Variants in LEMD3 observed in about 807,000 individuals in gnomAD.
LEMD3 encodes the protein LEM domain containing 3, also known as inner nuclear membrane protein Man1.
LEMD3 carries 33 observed loss-of-function variants against 95.2 expected under a neutral mutation model. The ratio of observed to expected loss-of-function variants is 0.35; its 90% CI spans 0.26 to 0.46. The LOEUF (loss-of-function observed/expected upper bound fraction) is 0.46. Among genes scored for constraint, LEMD3 ranks in the 20% least tolerant of loss-of-function variants. LEMD3 has a pLI of 1.00. For missense variants in LEMD3, 1,210 were observed against 1,192.8 expected (o/e 1.01, Z -0.21); for synonymous variants, 525 against 474.6 (o/e 1.11, Z -1.38).
intron 2 of LEMD3, among the ~76,000 whole-genome samples, chr12:65,215,732 T>C (rs2136339018): frequency 6.6e-6 from 1 of 152,154 alleles, no homozygotes. Flanking sequence ...ACCTTTTTTT[T>C]AGCACTAACC....
intron 4 of LEMD3, among the ~76,000 whole-genome samples, chr12:65,231,656 G>T (rs1020682747): frequency 6.6e-6 from 1 of 152,030 alleles, no homozygotes; most frequent in Non-Finnish European, 1.5e-5. Context: ...ATGACAGAGT[G>T]AGAGCCTGTC....
chr12:65,170,325 C>T lies in LEMD3; in HGVS notation c.729C>T (p.Thr243=). The T allele has an allele frequency of 6.2e-7, 1 of 1,601,876 alleles. No individual in the cohort carries two copies. Among genetic ancestry groups the T allele is most frequent in the Non-Finnish European group, 8.5e-7 (1 of 1,174,046 alleles). ...ETEEPLWASR[T]VNGSRLVPYS... ...AGGAGCCGCTCTGGGCGAGCCGGACCGTGAATGGCAGCCGGCTTGTCCCCT... is the reference window on the plus strand; with the variant it reads ...AGGAGCCGCTCTGGGCGAGCCGGACTGTGAATGGCAGCCGGCTTGTCCCCT... The change falls in exon 1 of 13, where the codon ACC becomes ACT. Residue 243 remains threonine, a synonymous_variant. Transcript: ENST00000308330.
chr12:65,227,033 TA>T (rs5798773), intron 4 of LEMD3, among the ~76,000 whole-genome samples: 44,000 of 151,922 alleles, frequency 0.29, 6,478 homozygotes, highest in Admixed American at 0.36. Context: ...ACTGGACAGT[TA>T]AAGGATCAGA....
chr12:65,215,825 A>C (rs948355605), intron 2 of LEMD3, 152 bp from the exon 3 acceptor site: 2 of 488,114 alleles, frequency 4.1e-6, no homozygotes, highest in African/African-American at 4.0e-5. Context: ...TTTCTTAAAA[A>C]TATGGTGCCC....
intron 4 of LEMD3, among the ~76,000 whole-genome samples, chr12:65,231,194 G>A (rs1261722693): frequency 6.6e-6 from 1 of 151,552 alleles, no homozygotes; most frequent in Non-Finnish European, 1.5e-5. Context: ...TTTCTTTTTG[G>A]AATCTCATTT....
chr12:65,186,290 T>G (rs1869060469), intron 1 of LEMD3, among the ~76,000 whole-genome samples: 1 of 152,098 alleles, frequency 6.6e-6, no homozygotes, highest in African/African-American at 2.4e-5. Flanking sequence ...TGATATAACT[T>G]GCGGAGCAAG....
At chr12:65,191,924 CAAAAAAAAAAAAAAA>C (rs35109917) in intron 1 of LEMD3, among the ~76,000 whole-genome samples, 10 of 74,298 alleles carry the variant, frequency 1.3e-4, no homozygotes, top group Non-Finnish European at 1.5e-4. Flanking sequence ...GACTCCGTCT[CAAAAAAAAAAAAAAA>C]AAAAAAAAGA....
rs755095379 is a variant in LEMD3 at position 65,170,305 on chromosome 12, C to T, written c.709C>T (p.Pro237Ser). The change falls in exon 1 of 13, where the codon CCG becomes TCG. Residue 237 changes from proline to serine, a missense_variant. Physicochemically the swap from Pro to Ser is moderately conservative, Grantham distance 74. Around this residue, in one of 2 missense-constraint regions of LEMD3, gnomAD observed 749 missense variants for 622.9 expected, o/e 1.20. Coordinates refer to ENST00000308330, the MANE Select transcript of LEMD3 (RefSeq NM_014319.5). ...GEERDPETEE[P>S]LWASRTVNGS... ...GGAGAGGGACCCGGAGACCGAGGAG[C>T]CGCTCTGGGCGAGCCGGACCGTGAA... The T allele has an allele frequency of 2.9e-5, 46 of 1,586,324 alleles. No homozygotes were observed. Among genetic ancestry groups the T allele is most frequent in the Non-Finnish European group, 3.7e-5 (43 of 1,166,436 alleles).
rs201325184 is a variant in LEMD3 at position 65,245,863 on chromosome 12, T to C, written c.2496T>C (p.Gly832=). ...HIAVDKNSRE[G]CVYVKCLSPE... is the part of the protein sequence containing the mutation. ...TTCTTTCTTTTTTAATATCACAGGG[T>C]TGTGTATATGTTAAATGTCTGTCTC... The change falls in exon 12 of 13, where the codon GGT becomes GGC. Residue 832 remains glycine, a splice_region_variant and synonymous_variant. Transcript: ENST00000308330. The C allele has an allele frequency of 6.2e-7, 1 of 1,610,302 alleles. No individual in the cohort carries two copies. Among genetic ancestry groups the C allele is most frequent in the Non-Finnish European group, 8.5e-7 (1 of 1,176,754 alleles).
At chr12:65,241,660 T>C (rs1319445382) in intron 9 of LEMD3, among the ~76,000 whole-genome samples, 1 of 152,170 alleles carries the variant, frequency 6.6e-6, no homozygotes, top group Non-Finnish European at 1.5e-5. Flanking sequence ...GGCTGTCATA[T>C]GTACCCAAAC....
intron 4 of LEMD3, among the ~76,000 whole-genome samples, chr12:65,225,581 C>A (rs1469645400): frequency 6.6e-6 from 1 of 152,112 alleles, no homozygotes; most frequent in African/African-American, 2.4e-5. Flanking sequence ...CTATCCAACT[C>A]TTTTGTTTGT....
chr12:65,187,233 TG>T (rs944942645), intron 1 of LEMD3, among the ~76,000 whole-genome samples: 7 of 152,142 alleles, frequency 4.6e-5, no homozygotes, highest in African/African-American at 1.7e-4. Flanking sequence ...ATGTTTTAGT[TG>T]GGCTCTTTTG....
At chr12:65,179,018 G>A (rs1438746421) in intron 1 of LEMD3, among the ~76,000 whole-genome samples, 1 of 151,978 alleles carries the variant, frequency 6.6e-6, no homozygotes, top group African/African-American at 2.4e-5. Flanking sequence ...TTAATTAAGG[G>A]GGAGGGGGCA....
chr12:65,226,851 A>G (rs1363291321), intron 4 of LEMD3, among the ~76,000 whole-genome samples: 2 of 152,216 alleles, frequency 1.3e-5, no homozygotes, highest in Non-Finnish European at 2.9e-5. Flanking sequence ...TAGCTTCCCA[A>G]TAAATTCAAT....
At chr12:65,221,965 A>C (rs1870305367) in intron 4 of LEMD3, among the ~76,000 whole-genome samples, 1 of 151,546 alleles carries the variant, frequency 6.6e-6, no homozygotes, top group Non-Finnish European at 1.5e-5. Context: ...CTGGTCTCGA[A>C]CTCCTGACCT....
intron 1 of LEMD3, among the ~76,000 whole-genome samples, chr12:65,174,681 C>T (rs1252486410): frequency 3.3e-5 from 5 of 151,954 alleles, no homozygotes; most frequent in South Asian, 4.2e-4. Context: ...TACAGATTTT[C>T]ATTCAACAGC....
intron 10 of LEMD3, among the ~76,000 whole-genome samples, chr12:65,243,826 G>T (rs1342174414): frequency 6.6e-6 from 1 of 152,100 alleles, no homozygotes; most frequent in Non-Finnish European, 1.5e-5. Flanking sequence ...AGAAAATATA[G>T]ATACAATCAC....
intron 1 of LEMD3, among the ~76,000 whole-genome samples, chr12:65,190,791 G>A (rs1441953722): frequency 6.6e-6 from 1 of 152,126 alleles, no homozygotes; most frequent in Non-Finnish European, 1.5e-5. Context: ...TTACTTTTTG[G>A]TCTACATTGT....
At chr12:65,216,179 CAG>C (rs1196635100) in intron 3 of LEMD3, 136 bp downstream of exon 3, 16 of 578,816 alleles carry the variant, frequency 2.8e-5, no homozygotes, top group Non-Finnish European at 1.2e-5. Context: ...ATTACCTATA[CAG>C]AGTGATTTTT....
Sources: gnomAD v4.1 joint callset for allele counts (sites outside exome capture counted in the v4.1 genomes callset) on GRCh38, gnomAD v4.1.1 for gene constraint, gnomAD v4.1.1 regional missense constraint, MANE v1.5 for transcripts, NCBI Gene and HGNC (gene_info 2026-07-23, HGNC 2026-07-21) for gene names.